NASP: variants seen among roughly 807,000 people sequenced by gnomAD.
NASP encodes the protein NASP histone chaperone.
A neutral mutation model predicts 89.5 loss-of-function variants in NASP; 24 were observed. The ratio of observed to expected loss-of-function variants is 0.27; its 90% CI spans 0.19 to 0.38. The LOEUF (loss-of-function observed/expected upper bound fraction) is 0.38, where lower values mean the gene tolerates loss of function less well. Ranked by LOEUF, NASP falls within the 10% of genes least tolerant of loss-of-function variation. NASP has a pLI of 1.00. For synonymous variants in NASP, 306 were observed against 324.7 expected (o/e 0.94, Z 0.62); for missense variants, 848 against 921.4 (o/e 0.92, Z 1.03).
At chr1:45,617,717 C>A in intron 14 of NASP, 126 bp downstream of exon 14, 1 of 1,155,256 alleles carries the variant, frequency 8.7e-7, no homozygotes, top group Non-Finnish European at 1.2e-6. Context: ...GCAGTCCTCA[C>A]AGAAAACGGT....
chr1:45,616,826 A>G, intron 13 of NASP, 123 bp downstream of exon 13: 1 of 914,472 alleles, frequency 1.1e-6, no homozygotes, highest in Non-Finnish European at 1.7e-6. Flanking sequence ...GGTGGTAAGG[A>G]TTTGTGAGTG....
intron 1 of NASP, among the ~76,000 whole-genome samples, chr1:45,587,637 T>C (rs977306127): frequency 7.2e-6 from 1 of 139,104 alleles, no homozygotes; most frequent in Non-Finnish European, 1.5e-5. Context: ...ATTTCTAGGC[T>C]ATGAGGTTTG....
chr1:45,615,805 A>G (rs1644095384), intron 11 of NASP: 1 of 240,514 alleles, frequency 4.2e-6, no homozygotes, highest in Non-Finnish European at 8.0e-6. Flanking sequence ...GAATATTTGC[A>G]TCATACTCAA....
chr1:45,613,027 T>C (rs550930605), intron 6 of NASP, 142 bp from the exon 7 acceptor site: 78 of 1,189,246 alleles, frequency 6.6e-5, no homozygotes, highest in Non-Finnish European at 8.2e-5. Context: ...ACTGACGATA[T>C]ATTCAGTTCA....
chr1:45,599,431 T>C (rs1643780383), intron 2 of NASP, among the ~76,000 whole-genome samples: 1 of 149,548 alleles, frequency 6.7e-6, no homozygotes, highest in African/African-American at 2.5e-5. Flanking sequence ...TTCTTCTCTT[T>C]TCTTTTCTTT....
At chr1:45,607,203 C>G (rs1005526771) in intron 5 of NASP, 118 bp from the exon 6 acceptor site, 48 of 1,052,798 alleles carry the variant, frequency 4.6e-5, no homozygotes, top group Non-Finnish European at 6.4e-5. Flanking sequence ...TTTAGGCCAT[C>G]TGCTGAAACT....
At chr1:45,605,406 G>A (rs557477993) in intron 4 of NASP, among the ~76,000 whole-genome samples, 15 of 151,894 alleles carry the variant, frequency 9.9e-5, no homozygotes, top group Non-Finnish European at 2.9e-5. Flanking sequence ...ATCAGAATAA[G>A]TTCTGTTTAG....
At chr1:45,598,954 A>G (rs956970143) in intron 2 of NASP, among the ~76,000 whole-genome samples, 2 of 152,192 alleles carry the variant, frequency 1.3e-5, no homozygotes, top group African/African-American at 2.4e-5. Flanking sequence ...GCCCCGGCCA[A>G]AAAAACATTT....
intron 2 of NASP, among the ~76,000 whole-genome samples, chr1:45,599,953 A>ATTTTTTTTTTTTTTTTTTTTTTTTTTTTT (rs11302173): frequency 1.3e-5 from 1 of 79,074 alleles, no homozygotes; most frequent in African/African-American, 5.1e-5. Context: ...TTTCCTCTGT[A>ATTTTTTTTTTTTTTTTTTTTTTTTTTTTT]TTTTTTTTTT....
chr1:45,607,633 A>T lies in NASP; in HGVS notation c.722A>T (p.Glu241Val). ...GAACAGGAAGTACCAGATGCTGAGG[A>T]AGAAAAATCAGTTTCTGGAACTGAT... ...KPEQEVPDAEEEKSVSGTDVQ... is the reference protein window; with the variant it reads ...KPEQEVPDAEVEKSVSGTDVQ... The change falls in exon 6 of 15, where the codon GAA becomes GTA. Residue 241 changes from glutamate (E) to valine (V), a missense_variant. Coordinates refer to ENST00000350030, the MANE Select transcript of NASP (RefSeq NM_002482.4). 6.2e-7 allele frequency: 1 copy of T among 1,614,200 alleles called. No homozygotes were observed.
intron 1 of NASP, among the ~76,000 whole-genome samples, chr1:45,590,077 C>G (rs1643493703): frequency 6.6e-6 from 1 of 152,152 alleles, no homozygotes; most frequent in Non-Finnish European, 1.5e-5. Flanking sequence ...CCTTCTGACT[C>G]AGAAACTGTA....
rs201219258 is a variant in NASP at position 45,607,779 on chromosome 1, G to A, written c.868G>A (p.Gly290Ser). The A allele has an allele frequency of 2.8e-4, 456 of 1,614,168 alleles. 1 individual carries two copies. Among genetic ancestry groups the A allele is most frequent in the Non-Finnish European group, 3.5e-5 (41 of 1,180,038 alleles). The part of the protein sequence containing the change: ...EQPVVTLEKQ[G>S]TAVEVEAESL... ...GCCTGTGGTGACTCTAGAAAAGCAG[G>A]GCACTGCAGTGGAGGTAGAAGCAGA... Residue 290 changes from glycine (G) to serine (S), a missense_variant, in exon 6 of 15, where the codon GGC (glycine) becomes AGC (serine). This residue lies in a region of NASP where 464 missense variants were observed against 469.4 expected (regional missense o/e 0.99). Transcript: ENST00000350030.
chr1:45,586,292 T>TGTGTGTG, intron 1 of NASP, among the ~76,000 whole-genome samples: 1 of 95,848 alleles, frequency 1.0e-5, no homozygotes, highest in African/African-American at 4.5e-5. Context: ...GTGGTGTGTG[T>TGTGTGTG]GTGTGTGTGT....
rs1355037545 is a variant in NASP, at chr1:45,607,455, G to C, written c.544G>C (p.Gly182Arg). 6.2e-7 allele frequency: 1 copy of C among 1,613,650 alleles called. No individual in the cohort carries two copies. Among genetic ancestry groups the C allele is most frequent in the African/African-American group, 1.3e-5 (1 of 74,902 alleles). Reference protein sequence around the residue: ...KEQDSEMEKGGREDMDISKSA... With the variant: ...KEQDSEMEKGRREDMDISKSA... ...ACAGGACAGTGAAATGGAGAAGGGT[G>C]GAAGAGAAGATATGGATATAAGTAA... Residue 182 changes from glycine (G) to arginine (R), a missense_variant, in exon 6 of 15, where the codon GGA (glycine) becomes CGA (arginine). By Grantham distance (125) the Gly-to-Arg change is moderately radical (BLOSUM62 -2). This residue lies in a region of NASP where 464 missense variants were observed against 469.4 expected (regional missense o/e 0.99). Coordinates refer to ENST00000350030, the MANE Select transcript of NASP (RefSeq NM_002482.4).
At position 45,615,029 on chromosome 1, in the gene NASP, T is replaced by C; in HGVS notation, c.1683T>C (p.Ala561=). 1 of 1,612,470 alleles carries C rather than the reference T, an allele frequency of 6.2e-7. No homozygotes were observed. Among genetic ancestry groups the C allele is most frequent in the Non-Finnish European group, 8.5e-7 (1 of 1,179,524 alleles). Residue 561 remains alanine (A), a synonymous_variant, in exon 10 of 15, where the codon GCT becomes GCC. Coordinates refer to ENST00000350030, the MANE Select transcript of NASP (RefSeq NM_002482.4). ...VSVESENYVQ[A]VEEFQSCLNL... ...CTTTGTTAGAAAACTATGTGCAAGCTGTGGAGGAGTTCCAGTCCTGCCTTA... is the reference window on the plus strand; with the variant it reads ...CTTTGTTAGAAAACTATGTGCAAGCCGTGGAGGAGTTCCAGTCCTGCCTTA...
chr1:45,607,590 G>A lies in NASP; in HGVS notation c.679G>A (p.Val227Ile). The change falls in exon 6 of 15, where the codon GTC becomes ATC. Residue 227 changes from valine (V) to isoleucine (I), a missense_variant. By Grantham distance (29) the Val-to-Ile change is conservative. This residue lies in a region of NASP where 464 missense variants were observed against 469.4 expected (regional missense o/e 0.99). Coordinates refer to ENST00000350030, the MANE Select transcript of NASP (RefSeq NM_002482.4). ...AAPEGPNEAEVTSGKPEQEVP... is the reference protein window; with the variant it reads ...AAPEGPNEAEITSGKPEQEVP... Reference sequence around the variant, plus strand: ...ACCAGAAGGACCGAATGAAGCTGAGGTCACTTCTGGGAAGCCAGAACAGGA... The same window carrying A: ...ACCAGAAGGACCGAATGAAGCTGAGATCACTTCTGGGAAGCCAGAACAGGA... The A allele has an allele frequency of 6.2e-7, 1 of 1,613,988 alleles. No homozygotes were observed. The highest frequency in any genetic ancestry group is 1.1e-5 in the South Asian group (1 of 91,068).
chr1:45,613,276 G>A (rs1644047895), intron 7 of NASP, 28 bp downstream of exon 7: 2 of 1,587,026 alleles, frequency 1.3e-6, no homozygotes, highest in Non-Finnish European at 8.5e-7. Flanking sequence ...CAGTACTGTT[G>A]TCAGCCTTTT....
rs753502519 is a variant in NASP at position 45,604,908 on chromosome 1, A to G, written c.219-28A>G. On this transcript the variant is annotated intron_variant, in intron 3 of 14. Transcript: ENST00000350030. ...AATGTTTTAGATTAGATGGTAATTC[A>G]GATTTTAGATGTTTATTCTCTTTGT... 1.2e-5 allele frequency: 18 copies of G among 1,496,596 alleles called. No homozygotes were observed. The South Asian group carries it at 1.6e-4, about 14-fold the overall frequency. The allele number at this position is 1,496,596 out of a possible 1,614,324, so 92.7% of individuals were successfully genotyped here.
intron 2 of NASP, among the ~76,000 whole-genome samples, chr1:45,596,191 C>T (rs893743713): frequency 1.3e-5 from 2 of 152,136 alleles, no homozygotes; most frequent in African/African-American, 4.8e-5. Flanking sequence ...CTGACAGTAT[C>T]CTAATACTTT....
Sources: gnomAD v4.1 joint callset for allele counts (sites outside exome capture counted in the v4.1 genomes callset) on GRCh38, gnomAD v4.1.1 for gene constraint, gnomAD v4.1.1 regional missense constraint, MANE v1.5 for transcripts, NCBI Gene and HGNC (gene_info 2026-07-23, HGNC 2026-07-21) for gene names.